Variants in GLT8D2 observed in about 807,000 individuals in gnomAD.
GLT8D2 encodes the protein glycosyltransferase 8 domain containing 2, also known as glycosyltransferase 8 domain-containing protein 2.
GLT8D2 carries 45 observed loss-of-function variants against 44.5 expected under a neutral mutation model. The observed-to-expected ratio is 1.01, with a 90% CI of 0.80 to 1.30. GLT8D2 has a LOEUF of 1.30. Ranked by LOEUF, GLT8D2 falls within the 50% of genes most tolerant of loss-of-function variation. GLT8D2 has a pLI of 0.00. For missense variants in GLT8D2, 400 were observed against 430.4 expected (o/e 0.93, Z 0.62); for synonymous variants, 156 against 157.2 (o/e 0.99, Z 0.06).
intron 1 of GLT8D2, among the ~76,000 whole-genome samples, chr12:104,024,077 C>T (rs895220221): frequency 1.3e-5 from 2 of 152,068 alleles, no homozygotes; most frequent in Admixed American, 1.3e-4. Flanking sequence ...ATATATTTAA[C>T]TCTATAAGAA....
intron 1 of GLT8D2, among the ~76,000 whole-genome samples, chr12:104,024,502 A>G (rs1464787671): frequency 6.6e-6 from 1 of 152,218 alleles, no homozygotes; most frequent in Non-Finnish European, 1.5e-5. Context: ...TTCATTTTGT[A>G]TTCCCACTAG....
intron 1 of GLT8D2, among the ~76,000 whole-genome samples, chr12:104,035,995 A>G (rs1309769896): frequency 6.6e-6 from 1 of 152,234 alleles, no homozygotes; most frequent in Non-Finnish European, 1.5e-5. Flanking sequence ...ACAAGCTAGA[A>G]GAGAGTGGGG....
chr12:103,993,507 A>G lies in GLT8D2; in HGVS notation c.768-3T>C, dbSNP rs752909730. Reference sequence around the variant, plus strand: ...GGGAGCTGCTATAGAGGTTTTCCCTAAGAAATGAAATAGAAAAACAACATT... The same window carrying G: ...GGGAGCTGCTATAGAGGTTTTCCCTGAGAAATGAAATAGAAAAACAACATT... On this transcript the variant is annotated splice_polypyrimidine_tract_variant and splice_region_variant and intron_variant, in intron 9 of 10. Coordinates refer to ENST00000360814, the MANE Select transcript of GLT8D2 (RefSeq NM_001384711.1). 92 of 1,552,612 alleles carry G rather than the reference A, an allele frequency of 5.9e-5. No homozygotes were observed. The highest frequency in any genetic ancestry group is 7.6e-5 in the Non-Finnish European group (88 of 1,151,690).
chr12:104,058,135 A>G (rs1253556900), intron 1 of GLT8D2, among the ~76,000 whole-genome samples: 2 of 152,120 alleles, frequency 1.3e-5, no homozygotes, highest in Admixed American at 1.3e-4. Context: ...TCTCAGGGAT[A>G]TTTCTCCTCT....
intron 5 of GLT8D2, among the ~76,000 whole-genome samples, chr12:104,002,205 T>C (rs756975858): frequency 7.9e-5 from 12 of 152,208 alleles, no homozygotes; most frequent in Non-Finnish European, 1.6e-4. Flanking sequence ...GTCATCCTTT[T>C]TCCTTGGCTT....
Position 103,996,733 on chromosome 12 carries a change from A to ACCTGCC in GLT8D2, c.600+1_600+2insGGCAGG, listed in dbSNP as rs1282267267. 1 of 1,606,122 alleles carries ACCTGCC rather than the reference A, an allele frequency of 6.2e-7. No individual in the cohort carries two copies. Among genetic ancestry groups the ACCTGCC allele is most frequent in the African/African-American group, 1.3e-5 (1 of 74,800 alleles). ...AGGATTTCTGAGACAGCATATGCCC[A>ACCTGCC]CCTGAAGTCCCACGAGTCTGTTTAT... On this transcript the variant is annotated splice_donor_variant, in intron 8 of 10. Coordinates refer to ENST00000360814, the MANE Select transcript of GLT8D2 (RefSeq NM_001384711.1). LOFTEE classifies it high-confidence loss of function.
chr12:104,018,596 G>A (rs559599813), intron 3 of GLT8D2, among the ~76,000 whole-genome samples: 3 of 152,194 alleles, frequency 2.0e-5, no homozygotes, highest in South Asian at 2.1e-4. Context: ...TGCCACGGCC[G>A]GGCGCAGTGC....
intron 10 of GLT8D2, 90 bp downstream of exon 10, chr12:103,993,302 G>T: frequency 9.9e-7 from 1 of 1,008,980 alleles, no homozygotes; most frequent in Non-Finnish European, 1.5e-6. Context: ...TTGCACTCCA[G>T]CCTGGGCAGC....
chr12:104,054,313 A>G (rs965164253), upstream of GLT8D2, among the ~76,000 whole-genome samples: 3 of 152,098 alleles, frequency 2.0e-5, no homozygotes, highest in Non-Finnish European at 4.4e-5. Flanking sequence ...AATGCCCTCA[A>G]GTTTCATCCA....
Position 104,003,126 on chromosome 12 carries a change from A to G in GLT8D2, c.284+9T>C. On this transcript the variant is annotated intron_variant, in intron 5 of 10. Coordinates refer to ENST00000360814, the MANE Select transcript of GLT8D2 (RefSeq NM_001384711.1). ...CAGAAAGTGCCAAAGTCTGTAAGAC[A>G]TAACTTACCGTATTCGAGTCAGAGT... The G allele has an allele frequency of 6.2e-7, 1 of 1,612,114 alleles. No homozygotes were observed. Among genetic ancestry groups the G allele is most frequent in the Non-Finnish European group, 8.5e-7 (1 of 1,178,302 alleles).
In GLT8D2 at chr12:104,026,216, T is replaced by C. The variant is rs544958999; in HGVS notation, c.-163-4725A>G. On this transcript the variant is annotated intron_variant, in intron 1 of 10. Transcript: ENST00000360814. The stretch of plus-strand genomic sequence containing the variant: ...ATCACTTGAACCTGCGAGAAGGGGG[T>C]TGCAGTGAGCCGAGATCACACCACT... Among the ~76,000 whole-genome samples, 81 of 148,470 alleles carry C rather than the reference T, an allele frequency of 5.5e-4. 6 individuals are homozygous for C. The highest frequency in any genetic ancestry group is 9.0e-5 in the Non-Finnish European group (6 of 67,000).
chr12:104,002,599 C>T (rs561688443), intron 5 of GLT8D2, among the ~76,000 whole-genome samples: 1 of 152,106 alleles, frequency 6.6e-6, no homozygotes, highest in African/African-American at 2.4e-5. Flanking sequence ...TTTTAATTTT[C>T]TGTTTATTTT....
In GLT8D2 at chr12:104,030,794, C is replaced by G. The variant is rs1879149646; in HGVS notation, c.-163-9303G>C. 6 of 1,610,866 alleles carry G rather than the reference C, an allele frequency of 3.7e-6. No homozygotes were observed. In the East Asian group the frequency reaches 1.3e-4, roughly 36 times the overall value. ...GCCCGCCGCCATGGCCGCCTACAAA[C>G]TGGTGCTGATCCGGCACGGCGAGAG... On this transcript the variant is annotated intron_variant, in intron 1 of 10. Transcript: ENST00000360814.
chr12:104,020,023 G>C (rs972065339), intron 2 of GLT8D2, among the ~76,000 whole-genome samples: 7 of 151,966 alleles, frequency 4.6e-5, no homozygotes, highest in African/African-American at 1.7e-4. Context: ...AGGTTCAAGC[G>C]ATCTTCCTTC....
chr12:104,058,747 G>A (rs1184066923), intron 1 of GLT8D2, among the ~76,000 whole-genome samples: 1 of 152,180 alleles, frequency 6.6e-6, no homozygotes, highest in Non-Finnish European at 1.5e-5. Flanking sequence ...GGGCAGAGAG[G>A]AGAGGAAGTA....
intron 1 of GLT8D2, among the ~76,000 whole-genome samples, chr12:104,039,163 T>G (rs533000398): frequency 2.0e-5 from 3 of 152,286 alleles, no homozygotes; most frequent in African/African-American, 2.4e-5. Context: ...ATTAAAGACT[T>G]AAATGTTAGA....
chr12:104,052,569 G>A (rs114393374), upstream of GLT8D2, among the ~76,000 whole-genome samples: 465 of 152,232 alleles, frequency 3.1e-3, no homozygotes, highest in African/African-American at 0.011. Flanking sequence ...AAGTGGCATG[G>A]CATCCACATT....
At chr12:103,999,767 C>A (rs1873961775) in intron 5 of GLT8D2, among the ~76,000 whole-genome samples, 1 of 152,138 alleles carries the variant, frequency 6.6e-6, no homozygotes, top group African/African-American at 2.4e-5. Flanking sequence ...CAAATCTCTC[C>A]CCAGATCCAA....
intron 4 of GLT8D2, among the ~76,000 whole-genome samples, chr12:104,009,720 A>T (rs1053117824): frequency 6.6e-6 from 1 of 152,164 alleles, no homozygotes; most frequent in African/African-American, 2.4e-5. Flanking sequence ...ATGTTGTGGG[A>T]GGGACCCAGT....
Sources: gnomAD v4.1 joint callset for allele counts (sites outside exome capture counted in the v4.1 genomes callset) on GRCh38, gnomAD v4.1.1 for gene constraint, MANE v1.5 for transcripts, NCBI Gene and HGNC (gene_info 2026-07-23, HGNC 2026-07-21) for gene names.